Variants in GRID1 observed in about 807,000 individuals in gnomAD.
GRID1 encodes the protein glutamate receptor ionotropic, delta-1.
Under a neutral mutation model 98.0 loss-of-function variants are expected in GRID1, and 28 were observed. The observed-to-expected ratio is 0.29, with a 90% CI of 0.21 to 0.39. GRID1 has a LOEUF of 0.39. Ranked by LOEUF, GRID1 falls within the 10% of genes least tolerant of loss-of-function variation. The pLI is 1.00. For synonymous variants in GRID1, 553 were observed against 538.5 expected, an observed-to-expected ratio of 1.03 and a Z score of -0.37; for missense variants, 1,111 against 1,340.5, an observed-to-expected ratio of 0.83 and a Z score of 2.67.
intron 2 of GRID1, among the ~76,000 whole-genome samples, chr10:86,216,514 A>C (rs1282187803): frequency 1.3e-5 from 2 of 152,220 alleles, no homozygotes; most frequent in Admixed American, 6.5e-5. Flanking sequence ...ATCTTGGAAT[A>C]TGGGGCCTCC....
At chr10:86,178,613 C>T (rs561053924) in intron 3 of GRID1, among the ~76,000 whole-genome samples, 1 of 151,966 alleles carries the variant, frequency 6.6e-6, no homozygotes, top group South Asian at 2.1e-4. Flanking sequence ...CTCGTGCATC[C>T]ACCCCGGGGC....
At position 85,679,090 on chromosome 10, in the gene GRID1, C is replaced by A. The variant is rs7080769; in HGVS notation, c.1998-31693G>T. Among the ~76,000 whole-genome samples, 884 of 152,288 alleles carry A rather than the reference C, an allele frequency of 5.8e-3. 14 individuals carry two copies. Among genetic ancestry groups the A allele is most frequent in the African/African-American group, 0.02 (847 of 41,556 alleles). The stretch of plus-strand genomic sequence containing the variant: ...CCATCACATCTAGGGATAGAACATT[C>A]TTCTGCCATAACTACCATGGCAGTA... On this transcript the variant is annotated intron_variant, in intron 12 of 15. Coordinates refer to ENST00000327946, the MANE Select transcript of GRID1 (RefSeq NM_017551.3).
intron 4 of GRID1, among the ~76,000 whole-genome samples, chr10:86,049,522 T>C (rs1564659497): frequency 6.6e-6 from 1 of 152,198 alleles, no homozygotes; most frequent in Non-Finnish European, 1.5e-5. Flanking sequence ...AGTCCGGCTA[T>C]GCCACACCAG....
intron 12 of GRID1, among the ~76,000 whole-genome samples, chr10:85,653,892 C>T (rs191018085): frequency 2.4e-4 from 37 of 152,184 alleles, no homozygotes; most frequent in Admixed American, 6.5e-4. Context: ...GCCTCCAGAA[C>T]TGTAAGAAAT....
intron 5 of GRID1, among the ~76,000 whole-genome samples, chr10:85,878,991 C>T (rs1343787153): frequency 6.6e-6 from 1 of 151,444 alleles, no homozygotes; most frequent in Non-Finnish European, 1.5e-5. Flanking sequence ...ATAAAACAGA[C>T]TTTAAACCAA....
At chr10:86,160,104 A>C (rs1326869742) in intron 3 of GRID1, among the ~76,000 whole-genome samples, 1 of 152,032 alleles carries the variant, frequency 6.6e-6, no homozygotes, top group Non-Finnish European at 1.5e-5. Context: ...TCCATGCCAT[A>C]CCTCCAGAAC....
intron 4 of GRID1, among the ~76,000 whole-genome samples, chr10:86,071,940 G>C (rs778060992): frequency 6.6e-6 from 1 of 152,212 alleles, no homozygotes; most frequent in Non-Finnish European, 1.5e-5. Flanking sequence ...AAGTGAAAGA[G>C]AGTGGGAGGC....
intron 2 of GRID1, among the ~76,000 whole-genome samples, chr10:86,312,966 C>T (rs1847851830): frequency 6.6e-6 from 1 of 152,234 alleles, no homozygotes; most frequent in Non-Finnish European, 1.5e-5. Context: ...TCTTGCAGAG[C>T]TGTGGCAACG....
At chr10:85,971,186 T>A (rs1004436979) in intron 4 of GRID1, among the ~76,000 whole-genome samples, 2 of 151,728 alleles carry the variant, frequency 1.3e-5, no homozygotes, top group African/African-American at 4.8e-5. Flanking sequence ...TCCCCAGGAG[T>A]CATTCAGCTT....
chr10:85,730,265 T>C (rs1841808159), intron 8 of GRID1, among the ~76,000 whole-genome samples: 1 of 152,224 alleles, frequency 6.6e-6, no homozygotes, highest in Non-Finnish European at 1.5e-5. Flanking sequence ...TCTCTGATAG[T>C]CACCCTAAGG....
At chr10:86,178,325 C>T (rs1372642058) in intron 3 of GRID1, among the ~76,000 whole-genome samples, 2 of 152,130 alleles carry the variant, frequency 1.3e-5, no homozygotes, top group Admixed American at 6.5e-5. Flanking sequence ...CAAACCTTCC[C>T]CTGCCTGCCT....
At chr10:85,733,182 A>G (rs189499407) in intron 8 of GRID1, among the ~76,000 whole-genome samples, 1 of 152,324 alleles carries the variant, frequency 6.6e-6, no homozygotes, top group African/African-American at 2.4e-5. Context: ...CAAATCTGCA[A>G]TAGAAATGAA....
intron 4 of GRID1, among the ~76,000 whole-genome samples, chr10:86,125,193 T>A (rs1272120856): frequency 6.6e-6 from 1 of 152,250 alleles, no homozygotes; most frequent in Non-Finnish European, 1.5e-5. Flanking sequence ...TCCACGTGAC[T>A]GCCAATGGGC....
At chr10:85,787,731 C>A (rs1285525674) in intron 8 of GRID1, among the ~76,000 whole-genome samples, 1 of 152,174 alleles carries the variant, frequency 6.6e-6, no homozygotes, top group Non-Finnish European at 1.5e-5. Flanking sequence ...CCACCATCAC[C>A]CAGCCGGCCT....
intron 8 of GRID1, among the ~76,000 whole-genome samples, chr10:85,766,320 T>G (rs1048573441): frequency 1.3e-5 from 2 of 152,148 alleles, no homozygotes; most frequent in Non-Finnish European, 2.9e-5. Flanking sequence ...ACCCCATTTC[T>G]ATAGAAAATT....
intron 3 of GRID1, among the ~76,000 whole-genome samples, chr10:86,185,730 A>G (rs1336793302): frequency 1.3e-5 from 2 of 152,292 alleles, no homozygotes; most frequent in South Asian, 4.1e-4. Context: ...TTTTCTTTTT[A>G]AGTCTATAAT....
intron 3 of GRID1, among the ~76,000 whole-genome samples, chr10:86,174,569 G>A (rs1194697819): frequency 2.0e-5 from 3 of 152,042 alleles, no homozygotes; most frequent in Admixed American, 2.0e-4. Context: ...TACCATTCAG[G>A]ACATAGGCAT....
intron 14 of GRID1, 45 bp downstream of exon 14, chr10:85,619,822 C>A (rs772413590): frequency 1.3e-6 from 2 of 1,501,322 alleles, no homozygotes; most frequent in African/African-American, 1.4e-5. Flanking sequence ...CCCTTGACCA[C>A]TAGAGTCCTG....
At chr10:85,708,100 A>C (rs1189584445) in intron 12 of GRID1, among the ~76,000 whole-genome samples, 1 of 144,876 alleles carries the variant, frequency 6.9e-6, no homozygotes, top group Non-Finnish European at 1.5e-5. Context: ...GTACCCTAAA[A>C]CTTAAAGTAT....
Sources: gnomAD v4.1 joint callset for allele counts (sites outside exome capture counted in the v4.1 genomes callset) on GRCh38, gnomAD v4.1.1 for gene constraint, MANE v1.5 for transcripts, NCBI Gene and HGNC (gene_info 2026-07-23, HGNC 2026-07-21) for gene names.